The following MYOM1 variants were observed in gnomAD, a reference collection of about 807,000 sequenced individuals.
The protein encoded by MYOM1 is myomesin 1, also known as myomesin-1.
In MYOM1, 164 loss-of-function variants were observed where a neutral mutation model predicts 205.3. The observed-to-expected ratio is 0.80, with a 90% confidence interval of 0.70 to 0.91. The LOEUF (loss-of-function observed/expected upper bound fraction) is 0.91. Among genes scored for constraint, MYOM1 ranks in the 40% least tolerant of loss-of-function variants. The pLI, the probability that MYOM1 is intolerant of heterozygous loss-of-function variation, is 0.00. For missense variants in MYOM1, 2,011 were observed against 2,127.3 expected (o/e 0.95, Z 1.08); for synonymous variants, 772 against 789.4 (o/e 0.98, Z 0.37).
chr18:3,165,478 T>C (rs1373971467), intron 9 of MYOM1, among the ~76,000 whole-genome samples: 1 of 151,942 alleles, frequency 6.6e-6, no homozygotes, highest in East Asian at 1.9e-4. Context: ...AAGTTTCATA[T>C]GAAAATGTTC....
intron 2 of MYOM1, among the ~76,000 whole-genome samples, chr18:3,204,553 CATT>C (rs1449136772): frequency 6.6e-6 from 1 of 151,856 alleles, no homozygotes; most frequent in Non-Finnish European, 1.5e-5. Context: ...AATTACAAAA[CATT>C]ATTATGAGAA....
At chr18:3,210,951 A>G (rs1373897320) in intron 2 of MYOM1, among the ~76,000 whole-genome samples, 12 of 152,252 alleles carry the variant, frequency 7.9e-5, no homozygotes, top group Admixed American at 7.2e-4. Flanking sequence ...AGTGGTATAG[A>G]GAATGCAATG....
Position 3,179,480 on chromosome 18 carries a change from G to A in MYOM1, c.930-3346C>T, listed in dbSNP as rs565529919. Among the ~76,000 whole-genome samples the A allele has an allele frequency of 1.4e-4, 21 of 152,266 alleles. No individual in the cohort carries two copies. The South Asian group carries it at 2.9e-3, about 21-fold the overall frequency. ...TGGATGATTTTAAATAAATGCACAC[G>A]AAGAAAGTAAGTTGACAGTCTCAGT... On this transcript the variant is annotated intron_variant, in intron 5 of 37. Transcript: ENST00000356443. The surrounding 1 kb of genome is among the most constrained non-coding windows in gnomAD (Gnocchi z 4.4).
At chr18:3,088,906 G>A (rs1346067007) in intron 29 of MYOM1, among the ~76,000 whole-genome samples, 2 of 152,146 alleles carry the variant, frequency 1.3e-5, no homozygotes, top group African/African-American at 2.4e-5. Context: ...GAGAGTCTTT[G>A]GAGATTACTA....
chr18:3,140,624 A>G (rs2080034876), intron 14 of MYOM1, among the ~76,000 whole-genome samples: 1 of 152,186 alleles, frequency 6.6e-6, no homozygotes, highest in African/African-American at 2.4e-5. Context: ...TATTGTCTTT[A>G]TGTTGTTACC....
At position 3,135,337 on chromosome 18, in the gene MYOM1, T is replaced by G. The variant is rs2079940539; in HGVS notation, c.2209+210A>C. ...TCCATGAACTTCAGAAAAAACACAT[T>G]ATCAATATTGTTGAAACTCCCAAAG... On this transcript the variant is annotated intron_variant, in intron 15 of 37. Transcript: ENST00000356443. This position sits in a 1 kb window ranked among gnomAD's most constrained non-coding sequence, Gnocchi z 4.1. The G allele has an allele frequency of 4.2e-6, 2 of 474,040 alleles. No homozygotes were observed. Among genetic ancestry groups the G allele is most frequent in the South Asian group, 3.9e-5 (1 of 25,480 alleles). 29.4% of individuals were successfully genotyped at this position (474,040 alleles called of 1,614,324 possible). A position where few individuals can be genotyped will look rare whatever the true frequency, so the allele number is the denominator to read the frequency against.
the MYOM1 span, among the ~76,000 whole-genome samples, chr18:3,230,523 A>AT: frequency 2.0e-5 from 3 of 152,256 alleles, no homozygotes; most frequent in African/African-American, 7.2e-5. Context: ...GCATAGTAGT[A>AT]TAACTTTGTA....
intron 14 of MYOM1, among the ~76,000 whole-genome samples, chr18:3,141,461 G>T (rs1245641779): frequency 6.6e-6 from 1 of 152,122 alleles, no homozygotes; most frequent in Non-Finnish European, 1.5e-5. Flanking sequence ...CAAGTGCAGT[G>T]GCATGAGGTT....
chr18:3,106,300 G>A (rs573056319), intron 22 of MYOM1, among the ~76,000 whole-genome samples: 62 of 152,250 alleles, frequency 4.1e-4, no homozygotes, highest in Non-Finnish European at 8.7e-4. Context: ...AAAGCATTTC[G>A]AGATCTTTTG....
intron 29 of MYOM1, 139 bp downstream of exon 29, chr18:3,089,035 A>G (rs2079189079): frequency 5.8e-6 from 3 of 513,750 alleles, no homozygotes; most frequent in Admixed American, 3.7e-5. Context: ...ACAAATGGTT[A>G]CAGTAACATT....
chr18:3,231,216 T>A, the MYOM1 span, among the ~76,000 whole-genome samples: 1 of 152,206 alleles, frequency 6.6e-6, no homozygotes, highest in African/African-American at 2.4e-5. Context: ...CGTAAGAATT[T>A]GAATTTGAAA....
chr18:3,215,952 C>A (rs2081261049), intron 1 of MYOM1, among the ~76,000 whole-genome samples: 2 of 152,154 alleles, frequency 1.3e-5, no homozygotes, highest in Admixed American at 1.3e-4. Flanking sequence ...TACTGTGTGC[C>A]TGACGCCATC....
intron 8 of MYOM1, 82 bp from the exon 9 acceptor site, chr18:3,169,063 C>G (rs931799391): frequency 1.8e-6 from 2 of 1,111,088 alleles, no homozygotes; most frequent in African/African-American, 1.8e-5. Context: ...AGGCAGAAAG[C>G]AGTCACAGCA....
At chr18:3,070,983 T>A (rs909470945) in intron 37 of MYOM1, among the ~76,000 whole-genome samples, 13 of 152,094 alleles carry the variant, frequency 8.5e-5, no homozygotes, top group Admixed American at 5.2e-4. Flanking sequence ...GGTCTCAAAC[T>A]CCTGGGCTCA....
intron 13 of MYOM1, among the ~76,000 whole-genome samples, chr18:3,145,208 G>A (rs1319419065): frequency 1.3e-5 from 2 of 151,856 alleles, no homozygotes; most frequent in Non-Finnish European, 2.9e-5. Flanking sequence ...ACTCATGGGG[G>A]CTGAAGCAGG....
chr18:3,197,148 T>G (rs1023967916), intron 2 of MYOM1, among the ~76,000 whole-genome samples: 2 of 151,516 alleles, frequency 1.3e-5, no homozygotes, highest in African/African-American at 4.9e-5. Flanking sequence ...TTTTTTTTTT[T>G]TTTTTTGAGA....
rs1353581995 is a variant in MYOM1, at chr18:3,067,145, A to G, written c.*117T>C. 4 of 1,161,276 alleles carry G rather than the reference A, an allele frequency of 3.4e-6. No homozygotes were observed. In the African/African-American group the frequency reaches 6.3e-5, roughly 18 times the overall value. The allele number at this position is 1,161,276 out of a possible 1,614,324, so 71.9% of individuals were successfully genotyped here. ...TTATATGAGTGAAAGACCTGACATT[A>G]TTTTCCCCTCAAGCCAGAAAATAAT... On this transcript the variant is annotated 3_prime_UTR_variant, in exon 38 of 38. Coordinates refer to ENST00000356443, the MANE Select transcript of MYOM1 (RefSeq NM_003803.4).
intron 2 of MYOM1, among the ~76,000 whole-genome samples, chr18:3,214,615 G>A (rs1297722752): frequency 6.6e-6 from 1 of 152,150 alleles, no homozygotes; most frequent in Admixed American, 6.5e-5. Flanking sequence ...CCTGAGGTCA[G>A]GGGCTCAAAA....
intron 16 of MYOM1, 99 bp from the exon 17 acceptor site, chr18:3,131,595 C>CTTTT: frequency 1.1e-6 from 1 of 922,406 alleles, no homozygotes. Flanking sequence ...GAAAACAATT[C>CTTTT]TTTTTTTTTT....
Sources: gnomAD v4.1 joint callset for allele counts (sites outside exome capture counted in the v4.1 genomes callset) on GRCh38, gnomAD v4.1.1 for gene constraint, Gnocchi (gnomAD v3.1) non-coding constraint, MANE v1.5 for transcripts, NCBI Gene and HGNC (gene_info 2026-07-23, HGNC 2026-07-21) for gene names.